The following CPD variants were observed in gnomAD, a reference collection of about 807,000 sequenced individuals.
CPD encodes metallocarboxypeptidase D.
In CPD, 69 loss-of-function variants were observed where a neutral mutation model predicts 138.3. That is an observed-to-expected ratio of 0.50 (90% confidence interval 0.41 to 0.61). The LOEUF (loss-of-function observed/expected upper bound fraction) is 0.61, where lower values mean the gene tolerates loss of function less well. Ranked by LOEUF, CPD falls within the 20% of genes least tolerant of loss-of-function variation. CPD has a pLI of 0.00. For missense variants in CPD, 1,432 were observed against 1,733.3 expected (o/e 0.83, Z 3.09); for synonymous variants, 651 against 642.1 (o/e 1.01, Z -0.21).
intron 2 of CPD, among the ~76,000 whole-genome samples, chr17:30,393,007 T>G (rs977767746): frequency 1.3e-5 from 2 of 152,254 alleles, no homozygotes; most frequent in African/African-American, 4.8e-5. Flanking sequence ...AACTTGAGGC[T>G]GAGCCTTTTC....
In CPD at chr17:30,465,138, A is replaced by T; in HGVS notation, c.*324A>T. The stretch of plus-strand genomic sequence containing the variant: ...GAGGATGTTGTATTTTGCACATCAG[A>T]TGTTTACTAGTGGCTTTAGTATTTT... On this transcript the variant is annotated 3_prime_UTR_variant, in exon 21 of 21. Coordinates refer to ENST00000225719, the MANE Select transcript of CPD (RefSeq NM_001304.5). The T allele has an allele frequency of 4.0e-6, 1 of 251,288 alleles. No individual in the cohort carries two copies. The highest frequency in any genetic ancestry group is 9.4e-5 in the East Asian group (1 of 10,608). The allele number at this position is 251,288 out of a possible 1,614,324, so 15.6% of individuals were successfully genotyped here.
rs766573282 is a variant in CPD, at chr17:30,462,033, G to A, written c.3787G>A (p.Ala1263Thr). 1.1e-5 allele frequency: 17 copies of A among 1,612,694 alleles called. No individual in the cohort carries two copies. The highest frequency in any genetic ancestry group is 2.7e-5 in the African/African-American group (2 of 74,816). The change falls in exon 19 of 21, where the codon GCT becomes ACT. Residue 1263 changes from alanine (A) to threonine (T), a missense_variant. Ala to Thr is a moderately conservative substitution (Grantham distance 58, BLOSUM62 0). Coordinates refer to ENST00000225719, the MANE Select transcript of CPD (RefSeq NM_001304.5). ...APGVHNIIAI[A>T]DGYQQQHSQV... ...AGGTGTCCATAACATTATTGCCATCGCTGATGGGTACCAGCAACAACATTC... is the reference window on the plus strand; with the variant it reads ...AGGTGTCCATAACATTATTGCCATCACTGATGGGTACCAGCAACAACATTC...
intron 15 of CPD, 77 bp downstream of exon 15, chr17:30,455,547 A>G: frequency 6.7e-7 from 1 of 1,495,840 alleles, no homozygotes; most frequent in Non-Finnish European, 9.1e-7. Flanking sequence ...TCCCTTCCAC[A>G]TTTTTATAAA....
chr17:30,426,500 A>T (rs1483306581), intron 6 of CPD, among the ~76,000 whole-genome samples: 2 of 152,236 alleles, frequency 1.3e-5, no homozygotes, highest in Non-Finnish European at 2.9e-5. Context: ...TGGGAACCAC[A>T]GGACCAGCTG....
intron 2 of CPD, among the ~76,000 whole-genome samples, chr17:30,406,821 C>T (rs1051771772): frequency 3.3e-5 from 5 of 151,704 alleles, no homozygotes; most frequent in Admixed American, 2.6e-4. Context: ...ATTATTTTTT[C>T]TTTTTTATTA....
At position 30,388,728 on chromosome 17, in the gene CPD, G is replaced by C. The variant is rs542466601; in HGVS notation, c.994+3492G>C. On this transcript the variant is annotated intron_variant, in intron 2 of 20. Transcript: ENST00000225719. ...GCCGTGCCCCCTGGGAGCCTGTGGC[G>C]GGTGGCTCCTAATCCTCGCTGGGCC... Among the ~76,000 whole-genome samples, 377 of 152,304 alleles carry C rather than the reference G, an allele frequency of 2.5e-3. 1 individual carries two copies. Among genetic ancestry groups the C allele is most frequent in the African/African-American group, 8.7e-3 (360 of 41,578 alleles).
intron 2 of CPD, among the ~76,000 whole-genome samples, chr17:30,400,619 T>TC: frequency 6.6e-6 from 1 of 150,832 alleles, no homozygotes; most frequent in East Asian, 2.0e-4. Flanking sequence ...ATCTTAGTTT[T>TC]CCATCTCTGA....
At chr17:30,394,641 G>A (rs900604078) in intron 2 of CPD, among the ~76,000 whole-genome samples, 3 of 152,160 alleles carry the variant, frequency 2.0e-5, no homozygotes, top group Non-Finnish European at 4.4e-5. Context: ...AGTCATCTGG[G>A]ATGAGGTCTC....
chr17:30,381,427 A>T (rs1911042920), intron 1 of CPD, among the ~76,000 whole-genome samples: 1 of 152,164 alleles, frequency 6.6e-6, no homozygotes, highest in Non-Finnish European at 1.5e-5. Flanking sequence ...TTCTTGGTGC[A>T]AGTCGCCTTG....
Position 30,445,742 on chromosome 17 carries a change from G to A in CPD, c.2595G>A (p.Gln865=). Residue 865 remains glutamine (Q), a synonymous_variant, in exon 12 of 21, where the codon CAG becomes CAA. Coordinates refer to ENST00000225719, the MANE Select transcript of CPD (RefSeq NM_001304.5). ...NVTVKSEGAI[Q]VNFTLVRSST... is the part of the protein sequence containing the mutation. ...CTGTCAAGAGTGAAGGCGCTATTCA[G>A]GTCAACTTCACACTTGTTCGATCCT... 2 of 1,613,432 alleles carry A rather than the reference G, an allele frequency of 1.2e-6. No individual in the cohort carries two copies. Among genetic ancestry groups the A allele is most frequent in the Non-Finnish European group, 1.7e-6 (2 of 1,179,790 alleles).
intron 2 of CPD, among the ~76,000 whole-genome samples, chr17:30,399,127 T>C (rs1911584718): frequency 6.6e-6 from 1 of 151,962 alleles, no homozygotes; most frequent in Admixed American, 6.5e-5. Flanking sequence ...TATTTTATAA[T>C]ATATTTATGT....
chr17:30,451,052 G>A (rs1913153944), intron 13 of CPD, among the ~76,000 whole-genome samples: 1 of 152,094 alleles, frequency 6.6e-6, no homozygotes, highest in Non-Finnish European at 1.5e-5. Context: ...AATATACCAG[G>A]TATTTTATAT....
At chr17:30,403,266 A>G (rs1450125998) in intron 2 of CPD, among the ~76,000 whole-genome samples, 3 of 152,090 alleles carry the variant, frequency 2.0e-5, no homozygotes, top group Non-Finnish European at 1.5e-5. Flanking sequence ...TCAGATCTGT[A>G]CTGTATGTGC....
Position 30,455,488 on chromosome 17 carries a change from T to G in CPD, c.3337+18T>G. The G allele has an allele frequency of 6.2e-7, 1 of 1,605,626 alleles. No homozygotes were observed. Among genetic ancestry groups the G allele is most frequent in the Non-Finnish European group, 8.5e-7 (1 of 1,177,804 alleles). Reference sequence around the variant, plus strand: ...ACAGACAGGTATGTAGAATGTCATTTTATATATATACTGTTTAAGCTTAGG... The same window carrying G: ...ACAGACAGGTATGTAGAATGTCATTGTATATATATACTGTTTAAGCTTAGG... On this transcript the variant is annotated intron_variant, in intron 15 of 20. Transcript: ENST00000225719.
intron 2 of CPD, among the ~76,000 whole-genome samples, chr17:30,397,288 A>G (rs568200076): frequency 6.6e-6 from 1 of 152,248 alleles, no homozygotes. Context: ...CATTACAGTC[A>G]TTGGAAATTA....
chr17:30,469,776 G>C lies in CPD; in HGVS notation c.*4962G>C, dbSNP rs1298454929. The C allele has an allele frequency of 2.0e-5, 3 of 152,110 alleles. No individual in the cohort carries two copies. Among genetic ancestry groups the C allele is most frequent in the Non-Finnish European group, 4.4e-5 (3 of 67,996 alleles). The allele number at this position is 152,110 out of a possible 1,614,324, so 9.4% of individuals were successfully genotyped here. On this transcript the variant is annotated 3_prime_UTR_variant, in exon 21 of 21. Coordinates refer to ENST00000225719, the MANE Select transcript of CPD (RefSeq NM_001304.5). ...TTTATGCTTCTTTAGTGAAAACAACGTTACTTAACTGCTACAGGAAGTGTG... is the reference window on the plus strand; with the variant it reads ...TTTATGCTTCTTTAGTGAAAACAACCTTACTTAACTGCTACAGGAAGTGTG...
intron 7 of CPD, among the ~76,000 whole-genome samples, chr17:30,431,295 C>G (rs758739946): frequency 6.6e-6 from 1 of 152,056 alleles, no homozygotes; most frequent in East Asian, 1.9e-4. Context: ...AGTCCTTTGT[C>G]CAATTTTTAA....
At position 30,389,155 on chromosome 17, in the gene CPD, G is replaced by T. The variant is rs565828552; in HGVS notation, c.994+3919G>T. On this transcript the variant is annotated intron_variant, in intron 2 of 20. Transcript: ENST00000225719. ...CAGCCCCCAGGGCAGCGGGCTCTGG[G>T]GGGTGGCAGCGGGCTGTGGGGGGTG... Among the ~76,000 whole-genome samples, 12 of 152,172 alleles carry T rather than the reference G, an allele frequency of 7.9e-5. 1 individual carries two copies. Among genetic ancestry groups the T allele is most frequent in the Admixed American group, 3.9e-4 (6 of 15,284 alleles).
At chr17:30,402,507 A>G (rs1235456796) in intron 2 of CPD, among the ~76,000 whole-genome samples, 4 of 152,198 alleles carry the variant, frequency 2.6e-5, no homozygotes, top group Admixed American at 6.5e-5. Context: ...CAGAGGTTGC[A>G]GTGAACTGAG....
Sources: gnomAD v4.1 joint callset for allele counts (sites outside exome capture counted in the v4.1 genomes callset) on GRCh38, gnomAD v4.1.1 for gene constraint, MANE v1.5 for transcripts, NCBI Gene and HGNC (gene_info 2026-07-23, HGNC 2026-07-21) for gene names.